The following SORCS3 variants were observed in gnomAD, a reference collection of about 807,000 sequenced individuals.
SORCS3 encodes VPS10 domain-containing receptor SorCS3.
Under a neutral mutation model 146.3 loss-of-function variants are expected in SORCS3, and 57 were observed. The observed-to-expected ratio is 0.39, with a 90% CI of 0.31 to 0.49. The LOEUF is 0.49. SORCS3 is among the 20% of genes least tolerant of loss of function. The pLI, the probability that SORCS3 is intolerant of heterozygous loss-of-function variation, is 0.92. For missense variants in SORCS3, 1,341 were observed against 1,575.5 expected, an observed-to-expected ratio of 0.85 and a Z score of 2.52; for synonymous variants, 653 against 618.5, an observed-to-expected ratio of 1.06 and a Z score of -0.83.
chr10:104,867,841 G>A (rs1413151281), intron 2 of SORCS3, among the ~76,000 whole-genome samples: 2 of 152,188 alleles, frequency 1.3e-5, no homozygotes, highest in African/African-American at 4.8e-5. Context: ...TTTCAATGTG[G>A]TACAGAGATA....
intron 1 of SORCS3, among the ~76,000 whole-genome samples, chr10:104,721,458 G>A (rs1433765883): frequency 5.3e-5 from 8 of 151,998 alleles, no homozygotes; most frequent in Non-Finnish European, 8.8e-5. Context: ...TTGGCAATGC[G>A]GGCTCTTTTT....
intron 1 of SORCS3, among the ~76,000 whole-genome samples, chr10:104,777,242 T>C (rs2133488450): frequency 6.6e-6 from 1 of 152,312 alleles, no homozygotes; most frequent in South Asian, 2.1e-4. Flanking sequence ...AGGAAACCGA[T>C]ACCCAGACAA....
At chr10:105,140,624 A>G (rs1476257047) in intron 8 of SORCS3, among the ~76,000 whole-genome samples, 1 of 152,164 alleles carries the variant, frequency 6.6e-6, no homozygotes, top group Non-Finnish European at 1.5e-5. Context: ...AAAATAAAGG[A>G]GTTAATTCTG....
At chr10:104,678,345 G>A (rs1161028013) in intron 1 of SORCS3, among the ~76,000 whole-genome samples, 1 of 152,118 alleles carries the variant, frequency 6.6e-6, no homozygotes, top group Non-Finnish European at 1.5e-5. Flanking sequence ...CTATGTGTAA[G>A]CACGTACACA....
chr10:105,040,885 G>A (rs2055333591), intron 4 of SORCS3, among the ~76,000 whole-genome samples: 1 of 151,450 alleles, frequency 6.6e-6, no homozygotes, highest in African/African-American at 2.4e-5. Flanking sequence ...GCCAAATCAT[G>A]TATATATTTT....
intron 1 of SORCS3, among the ~76,000 whole-genome samples, chr10:104,841,902 C>G (rs1385725773): frequency 6.6e-6 from 1 of 152,076 alleles, no homozygotes; most frequent in Non-Finnish European, 1.5e-5. Context: ...TATGCACCTG[C>G]GTTTTGATTA....
intron 1 of SORCS3, among the ~76,000 whole-genome samples, chr10:104,737,897 T>C (rs912474759): frequency 6.6e-6 from 1 of 150,396 alleles, no homozygotes; most frequent in African/African-American, 2.5e-5. Flanking sequence ...TCTAGGGTTT[T>C]TATGGTTTTA....
chr10:104,870,950 G>T (rs1349885950), intron 2 of SORCS3, among the ~76,000 whole-genome samples: 1 of 152,182 alleles, frequency 6.6e-6, no homozygotes, highest in African/African-American at 2.4e-5. Flanking sequence ...GCCCTTAGGA[G>T]CCTAGAGACT....
intron 19 of SORCS3, among the ~76,000 whole-genome samples, chr10:105,219,987 T>C (rs1310397792): frequency 6.6e-6 from 1 of 152,212 alleles, no homozygotes; most frequent in Non-Finnish European, 1.5e-5. Flanking sequence ...ATAGTTTTTA[T>C]TGTGGAGACT....
At chr10:105,173,760 C>G (rs1371883311) in intron 13 of SORCS3, among the ~76,000 whole-genome samples, 1 of 152,224 alleles carries the variant, frequency 6.6e-6, no homozygotes, top group Non-Finnish European at 1.5e-5. Context: ...CCTTTTCACA[C>G]TAAGCTACAG....
intron 2 of SORCS3, among the ~76,000 whole-genome samples, chr10:104,891,200 C>G (rs1171773415): frequency 6.6e-6 from 1 of 152,180 alleles, no homozygotes; most frequent in African/African-American, 2.4e-5. Flanking sequence ...AGGGTTGCCA[C>G]TCTGGCTTAT....
intron 1 of SORCS3, among the ~76,000 whole-genome samples, chr10:104,777,450 A>C (rs2017322984): frequency 6.6e-6 from 1 of 152,234 alleles, no homozygotes; most frequent in African/African-American, 2.4e-5. Context: ...GGGTGTGAGC[A>C]GAGCAAAGAC....
intron 1 of SORCS3, among the ~76,000 whole-genome samples, chr10:104,691,235 G>A (rs572166162): frequency 9.4e-4 from 143 of 152,320 alleles, no homozygotes; most frequent in Non-Finnish European, 1.7e-3. Flanking sequence ...ATCAGACTCA[G>A]ACCAGTCCAC....
chr10:104,893,616 C>T (rs983816199), intron 2 of SORCS3, among the ~76,000 whole-genome samples: 6 of 152,220 alleles, frequency 3.9e-5, no homozygotes, highest in South Asian at 4.1e-4. Flanking sequence ...CACCCAGTCC[C>T]CTGGTGCGAG....
intron 3 of SORCS3, among the ~76,000 whole-genome samples, chr10:104,922,399 G>A (rs548710288): frequency 1.7e-4 from 26 of 152,292 alleles, no homozygotes; most frequent in Non-Finnish European, 3.1e-4. Context: ...CAATTCACCT[G>A]GGCAGACAAG....
intron 1 of SORCS3, among the ~76,000 whole-genome samples, chr10:104,754,192 C>T (rs1239323104): frequency 2.0e-5 from 3 of 152,148 alleles, no homozygotes; most frequent in Non-Finnish European, 4.4e-5. Flanking sequence ...GATTTTATCC[C>T]AGGCCTGCCT....
intron 3 of SORCS3, among the ~76,000 whole-genome samples, chr10:104,967,459 A>C (rs2054832300): frequency 6.6e-6 from 1 of 152,160 alleles, no homozygotes; most frequent in South Asian, 2.1e-4. Flanking sequence ...ATTGTACAGC[A>C]TATCTCTAGA....
intron 23 of SORCS3, 74 bp downstream of exon 23, chr10:105,252,980 C>A: frequency 6.5e-7 from 1 of 1,533,978 alleles, no homozygotes; most frequent in Non-Finnish European, 8.8e-7. Context: ...CTGTTTTCAG[C>A]CAGAAAGGGA....
At chr10:105,031,139 A>C (rs2055263848) in intron 4 of SORCS3, among the ~76,000 whole-genome samples, 1 of 151,872 alleles carries the variant, frequency 6.6e-6, no homozygotes, top group South Asian at 2.1e-4. Flanking sequence ...TAGTAAAAAC[A>C]CATGAAAAAA....
Sources: gnomAD v4.1 joint callset for allele counts (sites outside exome capture counted in the v4.1 genomes callset) on GRCh38, gnomAD v4.1.1 for gene constraint, MANE v1.5 for transcripts, NCBI Gene and HGNC (gene_info 2026-07-23, HGNC 2026-07-21) for gene names.